The following SLC38A12 variants were observed in gnomAD, a reference collection of about 807,000 sequenced individuals.
SLC38A12 encodes putative sodium-coupled neutral amino acid transporter 12.
the SLC38A12 span, among the ~76,000 whole-genome samples, chr17:74,778,396 G>A: frequency 1.3e-5 from 2 of 152,180 alleles, no homozygotes; most frequent in South Asian, 4.1e-4. Context: ...AACTTGACCT[G>A]CCTTCAACAG....
chr17:74,814,781 G>C, the SLC38A12 span, among the ~76,000 whole-genome samples: 1 of 152,142 alleles, frequency 6.6e-6, no homozygotes, highest in Non-Finnish European at 1.5e-5. Flanking sequence ...TCCCACGTTT[G>C]AGAGCCTTCC....
the SLC38A12 span, chr17:74,795,444 T>C: frequency 7.9e-7 from 1 of 1,261,760 alleles, no homozygotes; most frequent in Non-Finnish European, 1.1e-6. Flanking sequence ...CAGGCAGCTG[T>C]GCAGGGAGTG....
chr17:74,804,916 T>C, the SLC38A12 span, among the ~76,000 whole-genome samples: 501 of 152,324 alleles, frequency 3.3e-3, 2 homozygotes, highest in African/African-American at 0.011. Flanking sequence ...AGCTGGTCCC[T>C]TTCCCCTGGA....
the SLC38A12 span, chr17:74,790,281 C>A: frequency 6.2e-7 from 1 of 1,614,086 alleles, no homozygotes; most frequent in African/African-American, 1.3e-5. Context: ...AGAGAAGCGG[C>A]CCATCCTGTC....
At chr17:74,828,044 A>G in the SLC38A12 span, among the ~76,000 whole-genome samples, 8 of 152,264 alleles carry the variant, frequency 5.3e-5, no homozygotes, top group East Asian at 9.7e-4. Context: ...TGAGCTGGTG[A>G]TGGGCACACT....
At chr17:74,808,520 A>G in the SLC38A12 span, among the ~76,000 whole-genome samples, 1 of 152,180 alleles carries the variant, frequency 6.6e-6, no homozygotes, top group Non-Finnish European at 1.5e-5. Context: ...TGGCAGTGCC[A>G]GTCCACTTGC....
the SLC38A12 span, among the ~76,000 whole-genome samples, chr17:74,810,050 G>A: frequency 1.2e-4 from 19 of 152,296 alleles, no homozygotes; most frequent in East Asian, 2.5e-3. Flanking sequence ...TTTGGAACAC[G>A]CTGCTGGGAC....
the SLC38A12 span, among the ~76,000 whole-genome samples, chr17:74,806,023 T>G: frequency 6.6e-6 from 1 of 152,142 alleles, no homozygotes; most frequent in African/African-American, 2.4e-5. Context: ...CCGAGGCCCA[T>G]GGGCACACAC....
the SLC38A12 span, among the ~76,000 whole-genome samples, chr17:74,796,731 C>T: frequency 1.3e-5 from 2 of 152,218 alleles, no homozygotes; most frequent in Non-Finnish European, 2.9e-5. Context: ...CTGATTCCTC[C>T]GTTGCAGGTC....
chr17:74,836,858 A>C, the SLC38A12 span: 1 of 1,406,216 alleles, frequency 7.1e-7, no homozygotes, highest in Non-Finnish European at 9.2e-7. This position sits in a 1 kb window ranked among gnomAD's most constrained non-coding sequence, Gnocchi z 4.2. Context: ...CCTTCCACCC[A>C]GTCTGCACCT....
At chr17:74,835,174 T>C in the SLC38A12 span, among the ~76,000 whole-genome samples, 1 of 152,264 alleles carries the variant, frequency 6.6e-6, no homozygotes, top group East Asian at 1.9e-4. Flanking sequence ...GGGTCCCCTG[T>C]CCCCTAGCTG....
At chr17:74,781,906 G>A in the SLC38A12 span, among the ~76,000 whole-genome samples, 4,743 of 152,256 alleles carry the variant, frequency 0.031, 235 homozygotes, top group African/African-American at 0.11. Context: ...AGCTCCTCGA[G>A]CCTACCTGCC....
the SLC38A12 span, among the ~76,000 whole-genome samples, chr17:74,818,775 TG>T: frequency 6.6e-6 from 1 of 152,234 alleles, no homozygotes; most frequent in Non-Finnish European, 1.5e-5. Flanking sequence ...TGCCTCACAC[TG>T]CTTCCGAGTG....
the SLC38A12 span, among the ~76,000 whole-genome samples, chr17:74,803,547 G>C: frequency 6.6e-6 from 1 of 152,176 alleles, no homozygotes; most frequent in Non-Finnish European, 1.5e-5. Flanking sequence ...TTTCAGGACC[G>C]TTTCTTTGCA....
At chr17:74,798,078 C>T in the SLC38A12 span, among the ~76,000 whole-genome samples, 1 of 152,184 alleles carries the variant, frequency 6.6e-6, no homozygotes, top group Non-Finnish European at 1.5e-5. Context: ...GCGAGCAGGT[C>T]GGAGGAGAAT....
At chr17:74,825,015 A>T in the SLC38A12 span, among the ~76,000 whole-genome samples, 1 of 152,174 alleles carries the variant, frequency 6.6e-6, no homozygotes, top group African/African-American at 2.4e-5. Context: ...GCGCTGATCC[A>T]TCACCACCGG....
the SLC38A12 span, among the ~76,000 whole-genome samples, chr17:74,802,412 A>G: frequency 6.6e-6 from 1 of 152,064 alleles, no homozygotes; most frequent in East Asian, 1.9e-4. Flanking sequence ...TCTTCTCCCT[A>G]CCACTCCCTT....
chr17:74,827,718 G>A, the SLC38A12 span, among the ~76,000 whole-genome samples: 8 of 152,168 alleles, frequency 5.3e-5, no homozygotes, highest in African/African-American at 1.9e-4. The surrounding 1 kb of genome is among the most constrained non-coding windows in gnomAD (Gnocchi z 4.7). Context: ...TCCTAGTGTC[G>A]CTCACACCTC....
At chr17:74,791,050 T>C in the SLC38A12 span, 2 of 1,609,752 alleles carry the variant, frequency 1.2e-6, no homozygotes, top group Middle Eastern at 1.7e-4. Context: ...GAAGTTCTTT[T>C]GGGGGTGGGG....
Sources: gnomAD v4.1 joint callset for allele counts (sites outside exome capture counted in the v4.1 genomes callset) on GRCh38, gnomAD v4.1.1 for gene constraint, Gnocchi (gnomAD v3.1) non-coding constraint, MANE v1.5 for transcripts, NCBI Gene and HGNC (gene_info 2026-07-23, HGNC 2026-07-21) for gene names.